The following SMAD5 variants were observed in gnomAD, a reference collection of about 807,000 sequenced individuals.
The protein encoded by SMAD5 is SMAD family member 5.
SMAD5 carries 9 observed loss-of-function variants against 43.1 expected under a neutral mutation model. That is an observed-to-expected ratio of 0.21 (90% CI 0.13 to 0.36). The LOEUF (loss-of-function observed/expected upper bound fraction) is 0.36. Ranked by LOEUF, SMAD5 falls within the 10% of genes least tolerant of loss-of-function variation. The pLI is 1.00. For missense variants in SMAD5, 348 were observed against 574.0 expected, an observed-to-expected ratio of 0.61 and a Z score of 4.02; for synonymous variants, 190 against 192.4, an observed-to-expected ratio of 0.99 and a Z score of 0.10.
chr5:136,157,162 A>G (rs548277225), intron 3 of SMAD5, among the ~76,000 whole-genome samples: 3 of 152,340 alleles, frequency 2.0e-5, no homozygotes, highest in East Asian at 3.9e-4. Context: ...GGGTTTATAG[A>G]TAAGGAAACA....
rs1754631862 is a variant in SMAD5 at position 136,181,652 on chromosome 5, A to G, written c.*4172A>G. 1 of 152,196 alleles carries G rather than the reference A, an allele frequency of 6.6e-6. No homozygotes were observed. The highest frequency in any genetic ancestry group is 1.5e-5 in the Non-Finnish European group (1 of 68,010). The allele number at this position is 152,196 out of a possible 1,614,324, so 9.4% of individuals were successfully genotyped here. ...TGAGAATTGAAGGCATTTCTTCTGC[A>G]TAAACAAAGAATTCTACCTGCTGGA... On this transcript the variant is annotated 3_prime_UTR_variant, in exon 8 of 8. Coordinates refer to ENST00000545279, the MANE Select transcript of SMAD5 (RefSeq NM_005903.7).
intron 1 of SMAD5, chr5:136,133,439 C>T (rs1299516110): frequency 6.6e-6 from 1 of 152,426 alleles, no homozygotes; most frequent in Non-Finnish European, 1.5e-5. Flanking sequence ...GCCGCCGTCG[C>T]TTTGTGTTTC....
intron 1 of SMAD5, chr5:136,134,465 A>G (rs906014211): frequency 6.6e-6 from 1 of 152,258 alleles, no homozygotes; most frequent in African/African-American, 2.4e-5. Context: ...ATGCAGTAGT[A>G]TCCATTGTGG....
chr5:136,148,134 T>C (rs1369508091), intron 2 of SMAD5, among the ~76,000 whole-genome samples: 1 of 151,852 alleles, frequency 6.6e-6, no homozygotes, highest in Non-Finnish European at 1.5e-5. Context: ...CATGCATGAA[T>C]TGTTATAATG....
chr5:136,145,579 T>A (rs987311699), intron 1 of SMAD5, among the ~76,000 whole-genome samples: 3 of 151,994 alleles, frequency 2.0e-5, no homozygotes, highest in African/African-American at 7.2e-5. Flanking sequence ...ACTCTTAAAG[T>A]ACATGACTGT....
rs545516932 is a variant in SMAD5, at chr5:136,158,297, G to A, written c.404-2559G>A. On this transcript the variant is annotated intron_variant, in intron 3 of 7. Transcript: ENST00000545279. ...AAGATTCTGAAAACTTTCCAGAAAA[G>A]AAAGACAGGAAACATATAAAGGACT... 7.9e-5 allele frequency among the ~76,000 whole-genome samples: 12 copies of A among 152,106 alleles called. No individual in the cohort carries two copies. In the South Asian group the frequency reaches 2.1e-3, roughly 26 times the overall value.
intron 1 of SMAD5, among the ~76,000 whole-genome samples, chr5:136,138,970 G>C (rs1225881875): frequency 6.6e-6 from 1 of 152,204 alleles, no homozygotes; most frequent in Admixed American, 6.5e-5. Context: ...ATGGGATGAT[G>C]TGCTCAGGAG....
At chr5:136,173,932 A>G (rs1376215832) in intron 6 of SMAD5, among the ~76,000 whole-genome samples, 1 of 151,934 alleles carries the variant, frequency 6.6e-6, no homozygotes, top group Non-Finnish European at 1.5e-5. Context: ...GAAATTATAT[A>G]TGTAACTTTG....
chr5:136,178,154 T>A lies in SMAD5; in HGVS notation c.*674T>A, dbSNP rs1314055555. The A allele has an allele frequency of 6.6e-6, 1 of 152,644 alleles. No individual in the cohort carries two copies. The highest frequency in any genetic ancestry group is 1.5e-5 in the Non-Finnish European group (1 of 68,036). The allele number at this position is 152,644 out of a possible 1,614,324, so 9.5% of individuals were successfully genotyped here. The stretch of plus-strand genomic sequence containing the variant: ...ATCTTTTGTAAGACATTTCCTTTTT[T>A]AAAAAAATTTTTGCAAATAACTGAT... On this transcript the variant is annotated 3_prime_UTR_variant, in exon 8 of 8. Coordinates refer to ENST00000545279, the MANE Select transcript of SMAD5 (RefSeq NM_005903.7).
Position 136,180,735 on chromosome 5 carries a change from G to T in SMAD5, c.*3255G>T, listed in dbSNP as rs1422802312. 1.3e-5 allele frequency: 2 copies of T among 152,046 alleles called. No individual in the cohort carries two copies. The highest frequency in any genetic ancestry group is 4.8e-5 in the African/African-American group (2 of 41,410). 9.4% of individuals were successfully genotyped at this position (152,046 alleles called of 1,614,324 possible). A position where few individuals can be genotyped will look rare whatever the true frequency, so the allele number is the denominator to read the frequency against. On this transcript the variant is annotated 3_prime_UTR_variant, in exon 8 of 8. Coordinates refer to ENST00000545279, the MANE Select transcript of SMAD5 (RefSeq NM_005903.7). ...CTATATAAAAAAAATAATAGAATTGGTTGGGTTTCTGAGGTGAAATCCAGA... is the reference window on the plus strand; with the variant it reads ...CTATATAAAAAAAATAATAGAATTGTTTGGGTTTCTGAGGTGAAATCCAGA...
intron 4 of SMAD5, among the ~76,000 whole-genome samples, 192 bp from the exon 5 acceptor site, chr5:136,163,080 A>G (rs1485691795): frequency 6.6e-6 from 1 of 152,182 alleles, no homozygotes; most frequent in African/African-American, 2.4e-5. Flanking sequence ...GTGGATTTGT[A>G]GTAGGTTTTC....
rs200536387 is a variant in SMAD5 at position 136,163,358 on chromosome 5, A to T, written c.742A>T (p.Ile248Phe). ...SQPMDTSNNM[I>F]PQIMPSISSR... is the part of the protein sequence containing the mutation. ...GCCTATGGATACAAGCAATAATATG[A>T]TTCCTCAGATTATGCCCAGTATATC... Residue 248 changes from isoleucine to phenylalanine, a missense_variant, in exon 5 of 8, where the codon ATT (isoleucine) becomes TTT (phenylalanine). Physicochemically the swap from Ile to Phe is conservative, Grantham distance 21 (BLOSUM62 0). This residue lies in a region of SMAD5 where 185 missense variants were observed against 207.0 expected (regional missense o/e 0.89). Coordinates refer to ENST00000545279, the MANE Select transcript of SMAD5 (RefSeq NM_005903.7). 1.6e-5 allele frequency: 26 copies of T among 1,610,998 alleles called. No homozygotes were observed. The highest frequency in any genetic ancestry group is 2.1e-5 in the Non-Finnish European group (25 of 1,177,742).
At chr5:136,158,898 C>CA (rs112709281) in intron 3 of SMAD5, among the ~76,000 whole-genome samples, 52,688 of 143,518 alleles carry the variant, frequency 0.37, 9,989 homozygotes, top group African/African-American at 0.53. Context: ...GACTCCATCT[C>CA]AAAAAAAAAA....
At position 136,180,961 on chromosome 5, in the gene SMAD5, G is replaced by A. The variant is rs1351818839; in HGVS notation, c.*3481G>A. The A allele has an allele frequency of 1.3e-5, 2 of 152,130 alleles. No individual in the cohort carries two copies. Among genetic ancestry groups the A allele is most frequent in the Non-Finnish European group, 2.9e-5 (2 of 67,972 alleles). The allele number at this position is 152,130 out of a possible 1,614,324, so 9.4% of individuals were successfully genotyped here. ...CCTTCCATATTACCTGAGGGTACCT[G>A]TGGGGAACAGTTCCTTCCCCTGTGT... On this transcript the variant is annotated 3_prime_UTR_variant, in exon 8 of 8. Coordinates refer to ENST00000545279, the MANE Select transcript of SMAD5 (RefSeq NM_005903.7).
chr5:136,152,985 A>G (rs985641892), intron 2 of SMAD5, among the ~76,000 whole-genome samples: 1 of 152,204 alleles, frequency 6.6e-6, no homozygotes, highest in Admixed American at 6.5e-5. Flanking sequence ...CAACATACTT[A>G]GTTTTACAAA....
intron 1 of SMAD5, among the ~76,000 whole-genome samples, chr5:136,135,348 CA>C (rs1319120971): frequency 1.3e-5 from 2 of 152,222 alleles, no homozygotes; most frequent in African/African-American, 4.8e-5. Flanking sequence ...CATTAGATTA[CA>C]ACCATAATTA....
rs766185649 is a variant in SMAD5, at chr5:136,172,568, A to G, written c.910A>G (p.Asn304Asp). The G allele has an allele frequency of 1.2e-6, 2 of 1,613,360 alleles. No individual in the cohort carries two copies. Among genetic ancestry groups the G allele is most frequent in the South Asian group, 1.1e-5 (1 of 91,062 alleles). The change falls in exon 6 of 8, where the codon AAT becomes GAT. Residue 304 changes from asparagine (N) to aspartate (D), a missense_variant. Coordinates refer to ENST00000545279, the MANE Select transcript of SMAD5 (RefSeq NM_005903.7). The stretch of plus-strand genomic sequence containing the variant: ...AGTAGATGGATTCACAGATCCTTCA[A>G]ATAACAAAAGTAGATTCTGCTTGGG... ...VLVDGFTDPS[N>D]NKSRFCLGLL...
chr5:136,154,493 A>G lies in SMAD5; in HGVS notation c.403+330A>G, dbSNP rs1290338990. Among the ~76,000 whole-genome samples, 6 of 152,082 alleles carry G rather than the reference A, an allele frequency of 3.9e-5. No homozygotes were observed. In the East Asian group the frequency reaches 1.2e-3, roughly 29 times the overall value. On this transcript the variant is annotated intron_variant, in intron 3 of 7. Transcript: ENST00000545279. ...CCCATTCCTTTTTGTCAAATGAAGA[A>G]CTTTGTTCCTACAGTTATCATCCTT...
intron 1 of SMAD5, among the ~76,000 whole-genome samples, chr5:136,147,075 T>C (rs1753282558): frequency 6.6e-6 from 1 of 151,656 alleles, no homozygotes; most frequent in African/African-American, 2.4e-5. Flanking sequence ...AGGAAAAATA[T>C]TTTTTAAGGA....
Sources: gnomAD v4.1 joint callset for allele counts (sites outside exome capture counted in the v4.1 genomes callset) on GRCh38, gnomAD v4.1.1 for gene constraint, gnomAD v4.1.1 regional missense constraint, MANE v1.5 for transcripts, NCBI Gene and HGNC (gene_info 2026-07-23, HGNC 2026-07-21) for gene names.